Variants in MACF1 observed in about 807,000 individuals in gnomAD.
MACF1 encodes the protein microtubule-actin cross-linking factor 1.
In MACF1, 193 loss-of-function variants were observed where a neutral mutation model predicts 854.8. The ratio of observed to expected loss-of-function variants is 0.23; its 90% confidence interval spans 0.20 to 0.25. The LOEUF is 0.25. Among genes scored for constraint, MACF1 ranks in the 10% least tolerant of loss-of-function variants. The pLI is 1.00. For missense variants in MACF1, 7,722 were observed against 8,929.1 expected (o/e 0.86, Z 5.45); for synonymous variants, 3,185 against 3,226.7 (o/e 0.99, Z 0.44).
chr1:39,291,942 C>T lies in MACF1; in HGVS notation c.1818C>T (p.Asp606=). The T allele has an allele frequency of 6.2e-7, 1 of 1,613,930 alleles. No homozygotes were observed. The highest frequency in any genetic ancestry group is 1.1e-5 in the South Asian group (1 of 91,074). ...TGGAGCGAGCAGAGTGGGGCAATGA[C>T]CTGCCTAGTGTGGAGTTGCAGCTAG... is the stretch of plus-strand genomic sequence containing the variant. ...MKLERAEWGN[D]LPSVELQLET... is the part of the protein sequence containing the mutation. The change falls in exon 16 of 101, where the codon GAC becomes GAT. Residue 606 remains aspartate, a synonymous_variant. Transcript: ENST00000564288.
intron 15 of MACF1, 191 bp downstream of exon 15, chr1:39,287,753 T>C: frequency 1.6e-6 from 1 of 629,086 alleles, no homozygotes; most frequent in Non-Finnish European, 2.7e-6. Flanking sequence ...GTGATCCTCC[T>C]GCCTCAGTCT....
chr1:39,279,860 C>A (rs1315909574), intron 6 of MACF1, among the ~76,000 whole-genome samples: 1 of 151,950 alleles, frequency 6.6e-6, no homozygotes, highest in Non-Finnish European at 1.5e-5. Flanking sequence ...TCCTTGTTAA[C>A]AAGGATTGTT....
intron 44 of MACF1, among the ~76,000 whole-genome samples, chr1:39,355,164 C>T (rs558619410): frequency 3.9e-5 from 6 of 152,266 alleles, no homozygotes; most frequent in African/African-American, 9.6e-5. Flanking sequence ...TCTTGCATGA[C>T]GCTTTTCGAA....
At chr1:39,383,697 G>A (rs1650443472) in intron 56 of MACF1, among the ~76,000 whole-genome samples, 1 of 152,126 alleles carries the variant, frequency 6.6e-6, no homozygotes, top group South Asian at 2.1e-4. Flanking sequence ...CTTGCACAGT[G>A]AAACCCTGTT....
At chr1:39,174,914 C>T (rs758552043) in intron 2 of MACF1, among the ~76,000 whole-genome samples, 2 of 152,204 alleles carry the variant, frequency 1.3e-5, no homozygotes, top group Non-Finnish European at 2.9e-5. Flanking sequence ...AGTGCCTGGC[C>T]ACTGCATTTC....
intron 49 of MACF1, among the ~76,000 whole-genome samples, chr1:39,365,025 A>G (rs539787542): frequency 1.3e-5 from 2 of 152,222 alleles, no homozygotes; most frequent in Non-Finnish European, 2.9e-5. Flanking sequence ...CTAGTTGTTC[A>G]TAATAGAAGT....
At chr1:39,484,853 A>G (rs1412188436) in intron 100 of MACF1, 123 bp downstream of exon 100, 2 of 1,107,186 alleles carry the variant, frequency 1.8e-6, no homozygotes, top group Non-Finnish European at 2.8e-6. Context: ...ATGCCCAGAA[A>G]GACAGACCTG....
chr1:39,349,330 A>G lies in MACF1; in HGVS notation c.10816-148A>G, dbSNP rs922674343. On this transcript the variant is annotated intron_variant, in intron 41 of 100. Transcript: ENST00000564288. ...TCCAAATGAGGGGAGCTTTCCGAAT[A>G]TGATTTCTATGTCTTTTCCTATTCT... is the stretch of plus-strand genomic sequence containing the variant. 8 of 712,518 alleles carry G rather than the reference A, an allele frequency of 1.1e-5. No homozygotes were observed. The Admixed American group carries it at 2.4e-4, about 21-fold the overall frequency. The allele number at this position is 712,518 out of a possible 1,614,324, so 44.1% of individuals were successfully genotyped here. A position where few individuals can be genotyped will look rare whatever the true frequency, so the allele number is the denominator to read the frequency against.
At chr1:39,158,225 G>A (rs983835957) in intron 2 of MACF1, among the ~76,000 whole-genome samples, 4 of 152,182 alleles carry the variant, frequency 2.6e-5, no homozygotes, top group African/African-American at 9.6e-5. Flanking sequence ...TTGGGGATAT[G>A]TGGGTGATAT....
intron 14 of MACF1, 76 bp downstream of exon 14, chr1:39,285,834 T>C: frequency 6.6e-7 from 1 of 1,517,756 alleles, no homozygotes; most frequent in Admixed American, 1.8e-5. Context: ...AGAGCAAGAG[T>C]CAGGCACTTA....
chr1:39,357,636 T>A lies in MACF1; in HGVS notation c.11686T>A (p.Ser3896Thr). 6.2e-7 allele frequency: 1 copy of A among 1,614,084 alleles called. No homozygotes were observed. Among genetic ancestry groups the A allele is most frequent in the South Asian group, 1.1e-5 (1 of 91,076 alleles). The change falls in exon 45 of 101, where the codon TCC (serine) becomes ACC (threonine). Residue 3896 changes from serine (S) to threonine (T), a missense_variant. Ser to Thr is a moderately conservative substitution (Grantham distance 58). Around this residue, in one of 15 missense-constraint regions of MACF1, gnomAD observed 2,807 missense variants for 3,235.8 expected, o/e 0.87. Transcript: ENST00000564288. Reference protein sequence around the residue: ...HKEFESWLERSEKELENMHKG... With the variant: ...HKEFESWLERTEKELENMHKG... The stretch of plus-strand genomic sequence containing the variant: ...AGAGTTTGAAAGCTGGTTGGAACGA[T>A]CCGAGAAAGAGCTGGAGAACATGCA...
At chr1:39,170,188 A>G (rs1037204915) in intron 2 of MACF1, among the ~76,000 whole-genome samples, 38 of 152,164 alleles carry the variant, frequency 2.5e-4, no homozygotes, top group African/African-American at 8.4e-4. Flanking sequence ...TCTGATGAAG[A>G]CTTCTCTGAT....
At chr1:39,445,419 T>C (rs1199726746) in intron 80 of MACF1, among the ~76,000 whole-genome samples, 1 of 152,226 alleles carries the variant, frequency 6.6e-6, no homozygotes, top group Admixed American at 6.5e-5. Context: ...GTATGAAATA[T>C]ATACATACAC....
At chr1:39,104,955 T>C (rs867922497) in intron 2 of MACF1, among the ~76,000 whole-genome samples, 19 of 152,318 alleles carry the variant, frequency 1.2e-4, no homozygotes, top group African/African-American at 3.8e-4. Flanking sequence ...CAGGCCCCGC[T>C]GGGTTTCTCT....
At position 39,288,666 on chromosome 1, in the gene MACF1, C is replaced by T. The variant is rs114671532; in HGVS notation, c.1785+1104C>T. Among the ~76,000 whole-genome samples the T allele has an allele frequency of 4.3e-3, 651 of 152,096 alleles. 2 individuals are homozygous for T. The highest frequency in any genetic ancestry group is 7.6e-3 in the Non-Finnish European group (516 of 67,992). On this transcript the variant is annotated intron_variant, in intron 15 of 100. Transcript: ENST00000564288. ...ACTAACCGGGAATGATGGCGCGCAC[C>T]GGTGGTCCCAGCTACTTGGGAGGCT...
chr1:39,334,441 T>C lies in MACF1; in HGVS notation c.7853T>C (p.Ile2618Thr). 1.2e-6 allele frequency: 2 copies of C among 1,614,054 alleles called. No individual in the cohort carries two copies. The highest frequency in any genetic ancestry group is 1.7e-6 in the Non-Finnish European group (2 of 1,179,982). ...AVLSPGMMHG[I>T]VDPENCRIVP... ...TTGTCTCCAGGAATGATGCATGGCA[T>C]TGTAGATCCCGAGAACTGCAGAATT... Residue 2618 changes from isoleucine (I) to threonine (T), a missense_variant, in exon 37 of 101, where the codon ATT becomes ACT. Ile to Thr is a moderately conservative substitution (Grantham distance 89). Coordinates refer to ENST00000564288, the MANE Select transcript of MACF1 (RefSeq NM_001394062.1).
Position 39,429,994 on chromosome 1 carries a change from G to C in MACF1, c.17056G>C (p.Glu5686Gln). 6.2e-7 allele frequency: 1 copy of C among 1,613,904 alleles called. No individual in the cohort carries two copies. The highest frequency in any genetic ancestry group is 8.5e-7 in the Non-Finnish European group (1 of 1,179,912). Residue 5686 changes from glutamate to glutamine, a missense_variant, in exon 65 of 101, where the codon GAG becomes CAG. Glu to Gln is a conservative substitution (Grantham distance 29, BLOSUM62 2). Around this residue, in one of 15 missense-constraint regions of MACF1, gnomAD observed 2,807 missense variants for 3,235.8 expected, o/e 0.87. Transcript: ENST00000564288. ...ACTGACCGGGTGGCTGAGGGAGGTGGAGGAGGAGCTGGCAACCAGTGGAGG... is the reference window on the plus strand; with the variant it reads ...ACTGACCGGGTGGCTGAGGGAGGTGCAGGAGGAGCTGGCAACCAGTGGAGG... Reference protein sequence around the residue: ...EELTGWLREVEEELATSGGQS... With the variant: ...EELTGWLREVQEELATSGGQS...
chr1:39,322,533 A>G, intron 31 of MACF1, 75 bp from the exon 32 acceptor site: 1 of 1,289,528 alleles, frequency 7.8e-7, no homozygotes, highest in South Asian at 1.2e-5. Context: ...CAGCAATAAA[A>G]AGCTATGATT....
intron 26 of MACF1, among the ~76,000 whole-genome samples, chr1:39,312,571 TC>T (rs1270712787): frequency 6.6e-6 from 1 of 152,074 alleles, no homozygotes; most frequent in Non-Finnish European, 1.5e-5. Context: ...ACGTCTGTAA[TC>T]CTAGCACTTT....
Sources: gnomAD v4.1 joint callset for allele counts (sites outside exome capture counted in the v4.1 genomes callset) on GRCh38, gnomAD v4.1.1 for gene constraint, gnomAD v4.1.1 regional missense constraint, MANE v1.5 for transcripts, NCBI Gene and HGNC (gene_info 2026-07-23, HGNC 2026-07-21) for gene names.